TRPS1: variants seen among roughly 807,000 people sequenced by gnomAD.
TRPS1 encodes transcriptional repressor GATA binding 1, also known as zinc finger transcription factor Trps1.
Under a neutral mutation model 101.2 loss-of-function variants are expected in TRPS1, and 6 were observed. That is an observed-to-expected ratio of 0.06 (90% CI 0.03 to 0.12). TRPS1 has a LOEUF of 0.12. TRPS1 is among the 10% of genes least tolerant of loss of function. The pLI is 1.00. For synonymous variants in TRPS1, 578 were observed against 589.8 expected, an observed-to-expected ratio of 0.98 and a Z score of 0.29; for missense variants, 1,363 against 1,567.0, an observed-to-expected ratio of 0.87 and a Z score of 2.20.
Position 115,411,267 on chromosome 8 carries a change from A to C in TRPS1, c.*2756T>G, listed in dbSNP as rs1414262982. 6.6e-6 allele frequency: 1 copy of C among 152,362 alleles called. No homozygotes were observed. The highest frequency in any genetic ancestry group is 2.4e-5 in the African/African-American group (1 of 41,400). 9.4% of individuals were successfully genotyped at this position (152,362 alleles called of 1,614,324 possible). ...GTATTTTCCAATGCTAGTCGTTACT[A>C]CTATGTCTGTCTGAGAAAAAAAAAA... On this transcript the variant is annotated 3_prime_UTR_variant, in exon 7 of 7. Transcript: ENST00000395715.
At chr8:115,526,577 G>A (rs550094442) in intron 5 of TRPS1, among the ~76,000 whole-genome samples, 1 of 152,144 alleles carries the variant, frequency 6.6e-6, no homozygotes, top group East Asian at 1.9e-4. Context: ...GAAAGCAAGA[G>A]AGAAGAGAGA....
chr8:115,520,118 C>T (rs1303469628), intron 5 of TRPS1, among the ~76,000 whole-genome samples: 2 of 150,194 alleles, frequency 1.3e-5, no homozygotes, highest in African/African-American at 5.0e-5. Context: ...GACATGGAAC[C>T]ACTTTAAAAA....
chr8:115,632,840 A>G (rs899992585), intron 1 of TRPS1, among the ~76,000 whole-genome samples: 1 of 152,142 alleles, frequency 6.6e-6, no homozygotes, highest in Admixed American at 6.6e-5. Context: ...GAAGAAAGAG[A>G]CCAGGAGGAG....
chr8:115,526,866 T>A (rs998156952), intron 5 of TRPS1, among the ~76,000 whole-genome samples: 1 of 152,172 alleles, frequency 6.6e-6, no homozygotes, highest in Non-Finnish European at 1.5e-5. Context: ...TAACTCAAAC[T>A]TGGTCTCCTA....
At chr8:115,488,012 T>C (rs117281310) in intron 5 of TRPS1, among the ~76,000 whole-genome samples, 5 of 152,264 alleles carry the variant, frequency 3.3e-5, no homozygotes, top group East Asian at 1.9e-4. Context: ...GAAGAGTCAA[T>C]TGATGCATCA....
At position 115,587,231 on chromosome 8, in the gene TRPS1, G is replaced by C; in HGVS notation, c.2470C>G (p.Leu824Val). 6.2e-7 allele frequency: 1 copy of C among 1,614,218 alleles called. No individual in the cohort carries two copies. The highest frequency in any genetic ancestry group is 8.5e-7 in the Non-Finnish European group (1 of 1,180,034). The change falls in exon 5 of 7, where the codon CTG becomes GTG. Residue 824 changes from leucine to valine, a missense_variant. This residue lies in a region of TRPS1 where 1,020 missense variants were observed against 1,073.0 expected (regional missense o/e 0.95). Transcript: ENST00000395715. ...CCAGACACAGGCGTCAGCAGCCCCA[G>C]GCTTGCTTGGGTGTATGACGGACTC... is the stretch of plus-strand genomic sequence containing the variant. ...RGSPSYTQAS[L>V]GLLTPVSGTQ...
At chr8:115,464,936 T>G (rs1393842919) in intron 5 of TRPS1, among the ~76,000 whole-genome samples, 2 of 152,110 alleles carry the variant, frequency 1.3e-5, no homozygotes, top group Non-Finnish European at 2.9e-5. Context: ...TAGATTTAAG[T>G]ATACATATCA....
Position 115,658,285 on chromosome 8 carries a change from T to G in TRPS1, c.-122+10260A>C, listed in dbSNP as rs150824499. Among the ~76,000 whole-genome samples the G allele has an allele frequency of 2.6e-3, 396 of 152,174 alleles. 3 individuals carry two copies. Among genetic ancestry groups the G allele is most frequent in the African/African-American group, 9.0e-3 (373 of 41,546 alleles). ...AACAGCACAGTAGCGCACCAGAAGC[T>G]AGAGAATGCCTTGAGTCACGCAAAG... On this transcript the variant is annotated intron_variant, in intron 1 of 6. Transcript: ENST00000395715.
intron 5 of TRPS1, among the ~76,000 whole-genome samples, chr8:115,442,580 TATGTGTGTGTGC>T (rs1813628394): frequency 6.7e-6 from 1 of 149,098 alleles, no homozygotes; most frequent in Non-Finnish European, 1.5e-5. Flanking sequence ...TGTGTGTGTG[TATGTGTGTGTGC>T]ATGTGTGTGT....
intron 1 of TRPS1, among the ~76,000 whole-genome samples, chr8:115,652,221 C>T (rs1811575232): frequency 6.6e-6 from 1 of 152,104 alleles, no homozygotes; most frequent in African/African-American, 2.4e-5. Context: ...GATGGAAAGA[C>T]CACTGGGGCT....
At chr8:115,499,963 CTTTTCTTTTCTTTT>C (rs1193477644) in intron 5 of TRPS1, among the ~76,000 whole-genome samples, 2 of 52,502 alleles carry the variant, frequency 3.8e-5, no homozygotes, top group Admixed American at 4.3e-4. Flanking sequence ...TTCTTTCTTT[CTTTTCTTTTCTTTT>C]CTTTTCTTTT....
intron 4 of TRPS1, among the ~76,000 whole-genome samples, chr8:115,595,532 T>C (rs574786895): frequency 1.3e-5 from 2 of 152,024 alleles, no homozygotes; most frequent in African/African-American, 4.8e-5. Flanking sequence ...TAATAGTAAC[T>C]GGCTTTTGGG....
rs137978985 is a variant in TRPS1, at chr8:115,454,074, G to T, written c.2701-35622C>A. 7.2e-4 allele frequency among the ~76,000 whole-genome samples: 110 copies of T among 152,222 alleles called. No individual in the cohort carries two copies. The East Asian group carries it at 0.019, about 27-fold the overall frequency. The stretch of plus-strand genomic sequence containing the variant: ...TCGGCAACTCTATGATGGTGCCCTG[G>T]AAATTATAGGGTAGTGGGGTCTACT... On this transcript the variant is annotated intron_variant, in intron 5 of 6. Transcript: ENST00000395715.
At chr8:115,563,118 T>C (rs1169799411) in intron 5 of TRPS1, among the ~76,000 whole-genome samples, 5 of 152,048 alleles carry the variant, frequency 3.3e-5, no homozygotes, top group Non-Finnish European at 5.9e-5. Flanking sequence ...CCACTAGCAA[T>C]GACTGTATAA....
At chr8:115,547,374 T>G (rs911817882) in intron 5 of TRPS1, among the ~76,000 whole-genome samples, 1 of 152,084 alleles carries the variant, frequency 6.6e-6, no homozygotes, top group African/African-American at 2.4e-5. Context: ...TTTAACTCTG[T>G]GCTAAGCTGA....
At chr8:115,461,169 C>T (rs1814158977) in intron 5 of TRPS1, among the ~76,000 whole-genome samples, 1 of 152,042 alleles carries the variant, frequency 6.6e-6, no homozygotes, top group African/African-American at 2.4e-5. Context: ...TTATTAAGAA[C>T]TCTCTGTGTA....
chr8:115,437,683 A>G (rs1056251761), intron 5 of TRPS1, among the ~76,000 whole-genome samples: 5 of 152,204 alleles, frequency 3.3e-5, no homozygotes, highest in African/African-American at 1.2e-4. Flanking sequence ...CTTTTATATG[A>G]AGTAGCTAAA....
chr8:115,583,990 A>G (rs1817510528), intron 5 of TRPS1, among the ~76,000 whole-genome samples: 2 of 152,104 alleles, frequency 1.3e-5, no homozygotes, highest in South Asian at 4.1e-4. Context: ...TTCCTTCCTC[A>G]CTTTGAGAAG....
intron 5 of TRPS1, among the ~76,000 whole-genome samples, chr8:115,465,434 G>A (rs982606563): frequency 1.3e-5 from 2 of 152,044 alleles, no homozygotes; most frequent in Non-Finnish European, 2.9e-5. Context: ...GTAGTAAAGA[G>A]AAATTCCAAA....
Sources: allele counts gnomAD v4.1 joint callset (sites outside exome capture counted in the v4.1 genomes callset), GRCh38; gene constraint gnomAD v4.1.1; regional missense constraint gnomAD v4.1.1; transcripts MANE v1.5; gene names NCBI Gene and HGNC (gene_info 2026-07-23, HGNC 2026-07-21).